ANKRD30B: variants seen among roughly 807,000 people sequenced by gnomAD.
The protein encoded by ANKRD30B is ankyrin repeat domain-containing protein 30B.
ANKRD30B carries 144 observed loss-of-function variants against 202.2 expected under a neutral mutation model. The observed-to-expected ratio is 0.71, with a 90% confidence interval of 0.62 to 0.82. ANKRD30B has a LOEUF of 0.82. Among genes scored for constraint, ANKRD30B ranks in the 40% least tolerant of loss-of-function variants. The pLI is 0.00. For synonymous variants in ANKRD30B, 508 were observed against 561.3 expected (o/e 0.91, Z 1.34); for missense variants, 1,487 against 1,669.1 (o/e 0.89, Z 1.90).
chr18:14,898,663 T>C, the ANKRD30B span, among the ~76,000 whole-genome samples: 3 of 152,218 alleles, frequency 2.0e-5, no homozygotes, highest in Non-Finnish European at 4.4e-5. Flanking sequence ...TTTTATTGAC[T>C]CTTTTGTCCC....
chr18:14,909,235 G>C, the ANKRD30B span, among the ~76,000 whole-genome samples: 1 of 152,184 alleles, frequency 6.6e-6, no homozygotes, highest in Non-Finnish European at 1.5e-5. Context: ...TGCTTGTTAA[G>C]GGTGTCCCTG....
At chr18:14,843,330 A>G (rs1310750221) in intron 39 of ANKRD30B, among the ~76,000 whole-genome samples, 1 of 152,122 alleles carries the variant, frequency 6.6e-6, no homozygotes, top group Non-Finnish European at 1.5e-5. Flanking sequence ...CTCATACTGT[A>G]ATGTTTTGTA....
chr18:14,778,667 A>G (rs1460675765), intron 10 of ANKRD30B, among the ~76,000 whole-genome samples: 1 of 152,226 alleles, frequency 6.6e-6, no homozygotes, highest in African/African-American at 2.4e-5. Flanking sequence ...AGAAGTTTTC[A>G]AACTTTAGAA....
At chr18:14,826,156 C>T (rs1292822422) in intron 32 of ANKRD30B, among the ~76,000 whole-genome samples, 4 of 151,978 alleles carry the variant, frequency 2.6e-5, no homozygotes, top group Non-Finnish European at 5.9e-5. Flanking sequence ...TCTCACTGAG[C>T]TTATCCATGA....
chr18:14,822,043 A>G (rs1229252838), intron 30 of ANKRD30B, among the ~76,000 whole-genome samples: 2 of 151,956 alleles, frequency 1.3e-5, no homozygotes, highest in East Asian at 1.9e-4. Flanking sequence ...TACTTGTAGT[A>G]TATTGACATA....
the ANKRD30B span, among the ~76,000 whole-genome samples, chr18:14,936,493 G>A: frequency 3.9e-5 from 6 of 152,100 alleles, no homozygotes; most frequent in Non-Finnish European, 7.4e-5. Context: ...GTGGAGAAAC[G>A]AGAGGCAGTG....
chr18:14,808,664 C>G lies in ANKRD30B; in HGVS notation c.2314-8C>G, dbSNP rs1969711727. 1 of 1,539,518 alleles carries G rather than the reference C, an allele frequency of 6.5e-7. No homozygotes were observed. Among genetic ancestry groups the G allele is most frequent in the Admixed American group, 1.9e-5 (1 of 51,508 alleles). On this transcript the variant is annotated splice_region_variant and splice_polypyrimidine_tract_variant and intron_variant, in intron 25 of 43. Coordinates refer to ENST00000690538, the MANE Select transcript of ANKRD30B (RefSeq NM_001367607.2). Reference sequence around the variant, plus strand: ...TATATTAATTTTTGTGTTTCCAAACCCATTTAGCCTACCTGTGGAAGGAAA... The same window carrying G: ...TATATTAATTTTTGTGTTTCCAAACGCATTTAGCCTACCTGTGGAAGGAAA...
chr18:14,886,144 A>G, the ANKRD30B span, among the ~76,000 whole-genome samples: 1 of 151,944 alleles, frequency 6.6e-6, no homozygotes, highest in East Asian at 1.9e-4. Context: ...TGAAGGCTAT[A>G]TCTCAATAGA....
In ANKRD30B at chr18:14,757,080, T is replaced by C. The variant is rs189077470; in HGVS notation, c.618-735T>C. On this transcript the variant is annotated intron_variant, in intron 4 of 43. Coordinates refer to ENST00000690538, the MANE Select transcript of ANKRD30B (RefSeq NM_001367607.2). The stretch of plus-strand genomic sequence containing the variant: ...ATTATTTTTTTCATTTTTTTCATAG[T>C]GTATTTTTATTTTTAATTTGTATGG... Among the ~76,000 whole-genome samples, 536 of 152,252 alleles carry C rather than the reference T, an allele frequency of 3.5e-3. 5 individuals are homozygous for C. The South Asian group carries it at 0.046, about 13-fold the overall frequency.
intron 24 of ANKRD30B, among the ~76,000 whole-genome samples, chr18:14,807,450 AT>A (rs1489370618): frequency 1.3e-5 from 2 of 149,696 alleles, no homozygotes; most frequent in South Asian, 4.3e-4. Flanking sequence ...AATAACCATT[AT>A]TCTAACATTG....
At chr18:14,778,867 C>G (rs1012814814) in intron 10 of ANKRD30B, among the ~76,000 whole-genome samples, 7 of 152,076 alleles carry the variant, frequency 4.6e-5, no homozygotes, top group African/African-American at 1.7e-4. Flanking sequence ...CAAGACATAA[C>G]AGGGTCAAGG....
At chr18:14,881,566 G>A in the ANKRD30B span, among the ~76,000 whole-genome samples, 1 of 152,098 alleles carries the variant, frequency 6.6e-6, no homozygotes, top group Non-Finnish European at 1.5e-5. Context: ...GTTCTTTCAT[G>A]GTTTTGGTAC....
rs1598623938 is a variant in ANKRD30B, at chr18:14,791,298, T to A, written c.1735-103T>A. The A allele has an allele frequency of 3.2e-6, 3 of 946,846 alleles. No homozygotes were observed. In the East Asian group the frequency reaches 7.9e-5, roughly 25 times the overall value. 58.7% of individuals were successfully genotyped at this position (946,846 alleles called of 1,614,324 possible). ...CTCTTAAGTCGAATTGTTTGCAAAC[T>A]AGGAAATTGTGTTTTTAAAAAAGAT... On this transcript the variant is annotated intron_variant, in intron 15 of 43. Transcript: ENST00000690538.
At chr18:14,798,867 TA>T (rs1451636649) in intron 20 of ANKRD30B, among the ~76,000 whole-genome samples, 4 of 152,154 alleles carry the variant, frequency 2.6e-5, no homozygotes, top group East Asian at 1.9e-4. Context: ...TGCAATTTTG[TA>T]TTTACAATAA....
At chr18:14,792,316 G>C (rs1172472411) in intron 16 of ANKRD30B, among the ~76,000 whole-genome samples, 1 of 152,042 alleles carries the variant, frequency 6.6e-6, no homozygotes, top group African/African-American at 2.4e-5. Context: ...GACAGAAAAG[G>C]GTCAGGAGAA....
At chr18:14,841,380 C>T (rs1272798867) in intron 37 of ANKRD30B, among the ~76,000 whole-genome samples, 5 of 152,114 alleles carry the variant, frequency 3.3e-5, no homozygotes, top group African/African-American at 1.2e-4. Context: ...TGCTGGTTGT[C>T]CTTGGACCTC....
chr18:14,915,671 G>T, the ANKRD30B span: 1 of 152,116 alleles, frequency 6.6e-6, no homozygotes, highest in Admixed American at 6.5e-5. Flanking sequence ...TCACTCCTGA[G>T]ACTCAACTGT....
chr18:14,797,781 G>A lies in ANKRD30B; in HGVS notation c.1957-1G>A. On this transcript the variant is annotated splice_acceptor_variant, in intron 19 of 43. Coordinates refer to ENST00000690538, the MANE Select transcript of ANKRD30B (RefSeq NM_001367607.2). LOFTEE classifies it high-confidence loss of function. ...ATTTTTGTGTTTCCGAACCCATTTA[G>A]CCTACCTGTGGAAGGAAAGTTTCTC... 1 of 1,565,370 alleles carries A rather than the reference G, an allele frequency of 6.4e-7. No individual in the cohort carries two copies. The highest frequency in any genetic ancestry group is 8.7e-7 in the Non-Finnish European group (1 of 1,154,106).
At chr18:14,818,392 G>T (rs866082236) in intron 30 of ANKRD30B, among the ~76,000 whole-genome samples, 2 of 151,384 alleles carry the variant, frequency 1.3e-5, no homozygotes, top group Non-Finnish European at 2.9e-5. Flanking sequence ...TTAAGTTTTA[G>T]GGTACATGTG....
Sources: gnomAD v4.1 joint callset for allele counts (sites outside exome capture counted in the v4.1 genomes callset) on GRCh38, gnomAD v4.1.1 for gene constraint, MANE v1.5 for transcripts, NCBI Gene and HGNC (gene_info 2026-07-23, HGNC 2026-07-21) for gene names.